Variants in ANOS1 observed in about 807,000 individuals in gnomAD.
ANOS1 encodes the protein anosmin-1.
In ANOS1, 6 loss-of-function variants were observed where a neutral mutation model predicts 59.0. The ratio of observed to expected loss-of-function variants is 0.10; its 90% CI spans 0.06 to 0.20. ANOS1 has a LOEUF of 0.20. ANOS1 is among the 10% of genes least tolerant of loss of function. The probability of loss-of-function intolerance (pLI) is 1.00; values close to 1 mark genes in which losing one functional copy is unlikely to be tolerated. For missense variants in ANOS1, 433 were observed against 542.3 expected, an observed-to-expected ratio of 0.80 and a Z score of 2.00; for synonymous variants, 217 against 223.4, an observed-to-expected ratio of 0.97 and a Z score of 0.25.
chrX:8,578,716 G>C (rs7880715), intron 6 of ANOS1, among the ~76,000 whole-genome samples: 44,952 of 111,096 alleles, frequency 0.4, 6,981 homozygotes, highest in African/African-American at 0.56. Context: ...TAATATGCTA[G>C]GTTAAGGATA....
At chrX:8,665,597 T>C (rs1167602350) in intron 2 of ANOS1, among the ~76,000 whole-genome samples, 2 of 112,340 alleles carry the variant, frequency 1.8e-5, no homozygotes, top group African/African-American at 3.2e-5. Flanking sequence ...ATAAAGACAA[T>C]TGTTGAACTC....
At chrX:8,537,762 G>A (rs1045733648) in intron 10 of ANOS1, among the ~76,000 whole-genome samples, 9 of 80,384 alleles carry the variant, frequency 1.1e-4, no homozygotes, top group Non-Finnish European at 1.9e-4. Flanking sequence ...GTGTGTGTGT[G>A]TGTGTGTGTG....
At chrX:8,545,422 A>G (rs1929759029) in intron 9 of ANOS1, among the ~76,000 whole-genome samples, 1 of 110,116 alleles carries the variant, frequency 9.1e-6, no homozygotes, top group Non-Finnish European at 1.9e-5. Flanking sequence ...GCAGGCAGGC[A>G]GGCAGGCAGG....
At chrX:8,704,771 A>G (rs1223217909) in intron 1 of ANOS1, among the ~76,000 whole-genome samples, 1 of 111,628 alleles carries the variant, frequency 9.0e-6, no homozygotes, top group Non-Finnish European at 1.9e-5. Context: ...TTGGCTCAGG[A>G]TTTTTAAAAA....
intron 2 of ANOS1, among the ~76,000 whole-genome samples, chrX:8,626,855 C>T (rs1372614582): frequency 2.0e-5 from 2 of 101,185 alleles, no homozygotes; most frequent in East Asian, 3.0e-4. Context: ...AGTGATACTC[C>T]GTCTCAAAAA....
chrX:8,706,853 C>T (rs939491169), intron 1 of ANOS1, among the ~76,000 whole-genome samples: 6 of 112,213 alleles, frequency 5.3e-5, no homozygotes, highest in Middle Eastern at 4.6e-3. Context: ...CTGTATTCTA[C>T]AAATATTTCA....
At chrX:8,702,380 G>A (rs1412000538) in intron 1 of ANOS1, among the ~76,000 whole-genome samples, 1 of 111,861 alleles carries the variant, frequency 8.9e-6, no homozygotes, top group Admixed American at 9.5e-5. Context: ...GGAGCCATTG[G>A]CTTGGTTATA....
chrX:8,644,145 G>A (rs895560088), intron 2 of ANOS1, among the ~76,000 whole-genome samples: 27 of 111,487 alleles, frequency 2.4e-4, no homozygotes, highest in African/African-American at 5.9e-4. Context: ...TCTTTTCGTC[G>A]ACATACTTGT....
chrX:8,638,427 A>G (rs1931606525), intron 2 of ANOS1, among the ~76,000 whole-genome samples: 1 of 112,156 alleles, frequency 8.9e-6, no homozygotes, highest in Non-Finnish European at 1.9e-5. Context: ...GCATTGGGCA[A>G]TCCAAGAGAT....
intron 1 of ANOS1, among the ~76,000 whole-genome samples, chrX:8,731,366 C>T (rs758640923): frequency 8.9e-6 from 1 of 111,952 alleles, no homozygotes; most frequent in Non-Finnish European, 1.9e-5. Context: ...AAAGTGTCGG[C>T]CCGCGGGCAC....
chrX:8,625,003 G>T lies in ANOS1; in HGVS notation c.256-1333C>A, dbSNP rs186327063. 3.3e-3 allele frequency among the ~76,000 whole-genome samples: 365 copies of T among 110,376 alleles called. 2 individuals are homozygous for T. The highest frequency in any genetic ancestry group is 0.011 in the African/African-American group (348 of 30,353). ...GCCCACCTGTAGTTCCAGCTACTCG[G>T]AAGACTGAGGCAGGAGAATCACTTG... On this transcript the variant is annotated intron_variant, in intron 2 of 13. Coordinates refer to ENST00000262648, the MANE Select transcript of ANOS1 (RefSeq NM_000216.4).
At chrX:8,604,760 A>G (rs1223941897) in intron 3 of ANOS1, among the ~76,000 whole-genome samples, 1 of 112,490 alleles carries the variant, frequency 8.9e-6, no homozygotes, top group Non-Finnish European at 1.9e-5. Context: ...TACAAAAGAT[A>G]TATTTCAGGA....
chrX:8,681,741 A>T (rs991442791), intron 2 of ANOS1, among the ~76,000 whole-genome samples: 12 of 112,006 alleles, frequency 1.1e-4, no homozygotes, highest in African/African-American at 3.6e-4. Flanking sequence ...AAGGAAAGTG[A>T]ATACTTTCCA....
intron 1 of ANOS1, among the ~76,000 whole-genome samples, chrX:8,716,594 C>T (rs1442684588): frequency 1.8e-5 from 2 of 111,882 alleles, no homozygotes; most frequent in Non-Finnish European, 3.8e-5. Context: ...ATCCACAGTG[C>T]ACTCTGGATC....
intron 12 of ANOS1, 54 bp from the exon 13 acceptor site, chrX:8,534,514 T>C (rs1039640833): frequency 7.0e-6 from 8 of 1,135,585 alleles, no homozygotes; most frequent in Non-Finnish European, 9.6e-6. Context: ...AGAGACAACA[T>C]GCAATGCACA....
intron 6 of ANOS1, among the ~76,000 whole-genome samples, chrX:8,575,343 A>T (rs1172124640): frequency 8.9e-6 from 1 of 112,351 alleles, no homozygotes; most frequent in Non-Finnish European, 1.9e-5. Flanking sequence ...AATGTGTGAA[A>T]ATAACAGCCG....
intron 8 of ANOS1, among the ~76,000 whole-genome samples, chrX:8,560,501 G>A (rs568279239): frequency 8.9e-6 from 1 of 112,074 alleles, no homozygotes; most frequent in Non-Finnish European, 1.9e-5. Context: ...CCAAACAGCC[G>A]GACATGATAT....
intron 3 of ANOS1, among the ~76,000 whole-genome samples, chrX:8,618,798 A>G (rs12007356): frequency 0.39 from 43,058 of 110,404 alleles, 6,119 homozygotes; most frequent in South Asian, 0.46. Flanking sequence ...CAGGCCGGGT[A>G]CGGTGGCTCA....
At chrX:8,630,206 G>C (rs781164803) in intron 2 of ANOS1, among the ~76,000 whole-genome samples, 1 of 111,998 alleles carries the variant, frequency 8.9e-6, no homozygotes, top group South Asian at 3.7e-4. Context: ...GAGGTGGGCA[G>C]ATCACTTGAG....
Sources: allele counts gnomAD v4.1 joint callset (sites outside exome capture counted in the v4.1 genomes callset), GRCh38; gene constraint gnomAD v4.1.1; transcripts MANE v1.5; gene names NCBI Gene and HGNC (gene_info 2026-07-23, HGNC 2026-07-21).